The following SLC16A8 variants were observed in gnomAD, a reference collection of about 807,000 sequenced individuals.
SLC16A8 encodes the protein monocarboxylate transporter 3.
A neutral mutation model predicts 22.4 loss-of-function variants in SLC16A8; 20 were observed. That is an observed-to-expected ratio of 0.89 (90% CI 0.63 to 1.30). SLC16A8 has a LOEUF of 1.30. Ranked by LOEUF, SLC16A8 falls within the 50% of genes most tolerant of loss-of-function variation. The probability of loss-of-function intolerance (pLI) is 0.00; values close to 1 mark genes in which losing one functional copy is unlikely to be tolerated. For synonymous variants in SLC16A8, 393 were observed against 358.8 expected, an observed-to-expected ratio of 1.10 and a Z score of -1.08; for missense variants, 817 against 740.3, an observed-to-expected ratio of 1.10 and a Z score of -1.20.
intron 5 of SLC16A8, among the ~76,000 whole-genome samples, 157 bp downstream of exon 5, chr22:38,080,683 C>G (rs1416536384): frequency 6.6e-6 from 1 of 152,194 alleles, no homozygotes; most frequent in South Asian, 2.1e-4. Flanking sequence ...GCGGGCGGTC[C>G]GGCTTGGAGG....
In SLC16A8 at chr22:38,078,385, G is replaced by C. The variant is rs760877346; in HGVS notation, c.*3C>G. 4 of 1,594,190 alleles carry C rather than the reference G, an allele frequency of 2.5e-6. No individual in the cohort carries two copies. Among genetic ancestry groups the C allele is most frequent in the Non-Finnish European group, 2.6e-6 (3 of 1,174,302 alleles). On this transcript the variant is annotated 3_prime_UTR_variant, in exon 6 of 6. Coordinates refer to ENST00000681075, the MANE Select transcript of SLC16A8 (RefSeq NM_013356.3). Reference sequence around the variant, plus strand: ...TGGGCCACCCCACCCAGAGCACCCTGAGTTATACAGACTCGGCAGCCAGCC... The same window carrying C: ...TGGGCCACCCCACCCAGAGCACCCTCAGTTATACAGACTCGGCAGCCAGCC...
At position 38,081,651 on chromosome 22, in the gene SLC16A8, C is replaced by T. The variant is rs2085919864; in HGVS notation, c.387G>A (p.Pro129=). ...TGLGLALNFQ[P]SLIMLGLYFE... is the part of the protein sequence containing the mutation. ...AGTACAGCCCCAGCATGATGAGCGA[C>T]GGCTGGAAGTTGAGGGCCAGGCCCA... is the stretch of plus-strand genomic sequence containing the variant. The change falls in exon 5 of 6, where the codon CCG becomes CCA. Residue 129 remains proline, a synonymous_variant. Coordinates refer to ENST00000681075, the MANE Select transcript of SLC16A8 (RefSeq NM_013356.3). 3.3e-6 allele frequency: 5 copies of T among 1,525,620 alleles called. No homozygotes were observed. Among genetic ancestry groups the T allele is most frequent in the Non-Finnish European group, 4.4e-6 (5 of 1,141,672 alleles). 94.5% of individuals were successfully genotyped at this position (1,525,620 alleles called of 1,614,324 possible).
In SLC16A8 at chr22:38,081,304, A is replaced by C. The variant is rs1187236730; in HGVS notation, c.734T>G (p.Leu245Trp). Residue 245 changes from leucine to tryptophan, a missense_variant, in exon 5 of 6, where the codon TTG becomes TGG. Transcript: ENST00000681075. ...RVRPRRRLLD[L>W]AVCTDRAFAV... ...GAAGGCGCGGTCGGTGCACACTGCCAAGTCCAGCAGGCGCCGGCGGGGCCG... is the reference window on the plus strand; with the variant it reads ...GAAGGCGCGGTCGGTGCACACTGCCCAGTCCAGCAGGCGCCGGCGGGGCCG... The C allele has an allele frequency of 6.5e-7, 1 of 1,542,876 alleles. No individual in the cohort carries two copies.
intron 5 of SLC16A8, among the ~76,000 whole-genome samples, chr22:38,078,955 G>A (rs551261154): frequency 1.2e-4 from 19 of 152,316 alleles, no homozygotes; most frequent in Admixed American, 7.8e-4. Context: ...CTGGTGAGGC[G>A]TCCCCTCCAC....
At position 38,082,850 on chromosome 22, in the gene SLC16A8, C is replaced by A; in HGVS notation, c.24G>T (p.Arg8=). 1 of 1,551,250 alleles carries A rather than the reference C, an allele frequency of 6.4e-7. No individual in the cohort carries two copies. Among genetic ancestry groups the A allele is most frequent in the Non-Finnish European group, 8.7e-7 (1 of 1,153,004 alleles). ...AGCCGCCGTCTGGGGGGCCCTCGCC[C>A]CGCCGGGGGCCGCCAGCGCCCATCG... MGAGGPR[R]GEGPPDGGWG... Residue 8 remains arginine (R), a synonymous_variant, in exon 3 of 6, where the codon CGG becomes CGT. Coordinates refer to ENST00000681075, the MANE Select transcript of SLC16A8 (RefSeq NM_013356.3).
Position 38,080,849 on chromosome 22 carries a change from G to A in SLC16A8, c.1189C>T (p.Pro397Ser), listed in dbSNP as rs1440842328. 4 of 1,514,272 alleles carry A rather than the reference G, an allele frequency of 2.6e-6. No homozygotes were observed. In the East Asian group the frequency reaches 9.7e-5, roughly 37 times the overall value. The allele number at this position is 1,514,272 out of a possible 1,614,324, so 93.8% of individuals were successfully genotyped here. ...TTCCTTCGGGGCGCACCGGCAGAGG[G>A]CGGTCCGATGAGCACAGCCGCGGCC... Reference protein sequence around the residue: ...VEAAAVLIGPPSAGRLVDVLK... With the variant: ...VEAAAVLIGPSSAGRLVDVLK... Residue 397 changes from proline to serine, a missense_variant, in exon 5 of 6, where the codon CCC (proline) becomes TCC (serine). Transcript: ENST00000681075.
rs1569209679 is a variant in SLC16A8 at position 38,081,133 on chromosome 22, G to C, written c.905C>G (p.Ala302Gly). 2.6e-6 allele frequency: 4 copies of C among 1,543,824 alleles called. No homozygotes were observed. In the South Asian group the frequency reaches 3.6e-5, roughly 14 times the overall value. Reference sequence around the variant, plus strand: ...CGCCAGGGCGCCGCACGCCGGGCGCGCCACGATGTCCACGAAGCCCACGAT... The same window carrying C: ...CGCCAGGGCGCCGCACGCCGGGCGCCCCACGATGTCCACGAAGCCCACGAT... ...LSIVGFVDIV[A>G]RPACGALAGL... Residue 302 changes from alanine to glycine, a missense_variant, in exon 5 of 6, where the codon GCG (alanine) becomes GGG (glycine). By Grantham distance (60) the Ala-to-Gly change is moderately conservative. Transcript: ENST00000681075.
chr22:38,080,302 G>A (rs1176586780), intron 5 of SLC16A8, among the ~76,000 whole-genome samples: 3 of 152,216 alleles, frequency 2.0e-5, no homozygotes, highest in South Asian at 2.1e-4. Context: ...TAAGGGTGAC[G>A]GTGACAAGTG....
Position 38,080,957 on chromosome 22 carries a change from C to A in SLC16A8, c.1081G>T (p.Gly361Cys), listed in dbSNP as rs2085905554. ...ATGAGCACCTCGAACTGCAGCGCGC[C>A]CACCATGCCGTAGGAGAGGCCGAAG... ...VAFGLSYGMVGALQFEVLMAA... is the reference protein window; with the variant it reads ...VAFGLSYGMVCALQFEVLMAA... The change falls in exon 5 of 6, where the codon GGC (glycine) becomes TGC (cysteine). Residue 361 changes from glycine (G) to cysteine (C), a missense_variant. Gly to Cys is a radical substitution (Grantham distance 159). Transcript: ENST00000681075. 1.3e-6 allele frequency: 2 copies of A among 1,593,568 alleles called. No homozygotes were observed. The highest frequency in any genetic ancestry group is 1.7e-6 in the Non-Finnish European group (2 of 1,175,410).
At chr22:38,080,682 C>T (rs1305833076) in intron 5 of SLC16A8, among the ~76,000 whole-genome samples, 158 bp downstream of exon 5, 1 of 152,204 alleles carries the variant, frequency 6.6e-6, no homozygotes, top group Non-Finnish European at 1.5e-5. Flanking sequence ...AGCGGGCGGT[C>T]CGGCTTGGAG....
At chr22:38,082,189 G>A (rs2085928414) in intron 3 of SLC16A8, among the ~76,000 whole-genome samples, 157 bp from the exon 4 acceptor site, 1 of 152,360 alleles carries the variant, frequency 6.6e-6, no homozygotes, top group East Asian at 1.9e-4. Flanking sequence ...CATCCTGCGA[G>A]GGCAAGGCCC....
rs534026329 is a variant in SLC16A8, at chr22:38,080,213, C to T, written c.1198+627G>A. 2.1e-3 allele frequency among the ~76,000 whole-genome samples: 326 copies of T among 152,286 alleles called. 1 individual carries two copies. Among genetic ancestry groups the T allele is most frequent in the Non-Finnish European group, 3.6e-3 (245 of 68,012 alleles). On this transcript the variant is annotated intron_variant, in intron 5 of 5. Transcript: ENST00000681075. ...AGGACGCTGTTCCCCCCCAACAAGC[C>T]CTGCCCATCCATGCTGTGCCTTCAC...
At chr22:38,082,903 A>G (rs1307661274) in intron 2 of SLC16A8, 22 bp from the exon 3 acceptor site, 4 of 1,359,458 alleles carry the variant, frequency 2.9e-6, no homozygotes, top group Non-Finnish European at 4.0e-6. Flanking sequence ...GGGCGGGGAC[A>G]AGAGGGAGGG....
Position 38,078,295 on chromosome 22 carries a change from C to T in SLC16A8, c.*93G>A, listed in dbSNP as rs2085873684. ...GCCCAGACGTGGACCCCGGGAGTGA[C>T]CACCCCAGACCAGCCTCCCAGCGTA... is the stretch of plus-strand genomic sequence containing the variant. On this transcript the variant is annotated 3_prime_UTR_variant, in exon 6 of 6. Coordinates refer to ENST00000681075, the MANE Select transcript of SLC16A8 (RefSeq NM_013356.3). 2 of 1,280,874 alleles carry T rather than the reference C, an allele frequency of 1.6e-6. No homozygotes were observed. The highest frequency in any genetic ancestry group is 1.1e-6 in the Non-Finnish European group (1 of 928,990). The allele number at this position is 1,280,874 out of a possible 1,614,324, so 79.3% of individuals were successfully genotyped here.
At chr22:38,078,914 G>A (rs914813816) in intron 5 of SLC16A8, among the ~76,000 whole-genome samples, 3 of 152,254 alleles carry the variant, frequency 2.0e-5, no homozygotes, top group Non-Finnish European at 4.4e-5. Flanking sequence ...TGCTGTCCCT[G>A]GACCTCAATT....
chr22:38,081,859 C>T (rs1470079721), intron 4 of SLC16A8, 30 bp downstream of exon 4: 1 of 1,581,216 alleles, frequency 6.3e-7, no homozygotes, highest in Non-Finnish European at 8.6e-7. Flanking sequence ...GACCCCCAAC[C>T]CAGCGGAGAG....
Position 38,082,768 on chromosome 22 carries a change from G to GGAAGCCGTAGGC in SLC16A8, c.94_105dup (p.Ala32_Phe35dup), listed in dbSNP as rs751666464. Reference sequence around the variant, plus strand: ...CGGAAGAAGACGCTCACGGCTTTGGGGAAGCCGTAGGCGAAGCCGGTGACC... The same window carrying GGAAGCCGTAGGC: ...CGGAAGAAGACGCTCACGGCTTTGGGGAAGCCGTAGGCGAAGCCGTAGGCGAAGCCGGTGACC... On this transcript the variant is annotated inframe_insertion, in exon 3 of 6. Coordinates refer to ENST00000681075, the MANE Select transcript of SLC16A8 (RefSeq NM_013356.3). The GGAAGCCGTAGGC allele has an allele frequency of 8.1e-5, 130 of 1,595,766 alleles. No individual in the cohort carries two copies. Among genetic ancestry groups the GGAAGCCGTAGGC allele is most frequent in the Non-Finnish European group, 1.0e-4 (122 of 1,174,076 alleles).
At position 38,081,467 on chromosome 22, in the gene SLC16A8, C is replaced by G. The variant is rs1242492519; in HGVS notation, c.571G>C (p.Gly191Arg). Residue 191 changes from glycine (G) to arginine (R), a missense_variant, in exon 5 of 6, where the codon GGG becomes CGG. Physicochemically the swap from Gly to Arg is moderately radical, Grantham distance 125. Coordinates refer to ENST00000681075, the MANE Select transcript of SLC16A8 (RefSeq NM_013356.3). Reference sequence around the variant, plus strand: ...CCGGGCGGCGGCCTCATGACAGCCCCGCAGGCGCAGCAGTGCAGCAGGAGC... The same window carrying G: ...CCGGGCGGCGGCCTCATGACAGCCCGGCAGGCGCAGCAGTGCAGCAGGAGC... Reference protein sequence around the residue: ...GGLLLHCCACGAVMRPPPGPG... With the variant: ...GGLLLHCCACRAVMRPPPGPG... 3 of 1,332,492 alleles carry G rather than the reference C, an allele frequency of 2.3e-6. No individual in the cohort carries two copies. The East Asian group carries it at 9.4e-5, about 42-fold the overall frequency. The allele number at this position is 1,332,492 out of a possible 1,614,324, so 82.5% of individuals were successfully genotyped here. A position where few individuals can be genotyped will look rare whatever the true frequency, so the allele number is the denominator to read the frequency against.
At chr22:38,079,643 G>A (rs542489441) in intron 5 of SLC16A8, among the ~76,000 whole-genome samples, 1 of 152,258 alleles carries the variant, frequency 6.6e-6, no homozygotes, top group South Asian at 2.1e-4. Flanking sequence ...GCCCCGGCTG[G>A]TTTCAGACTT....
Sources: gnomAD v4.1 joint callset for allele counts (sites outside exome capture counted in the v4.1 genomes callset) on GRCh38, gnomAD v4.1.1 for gene constraint, MANE v1.5 for transcripts, NCBI Gene and HGNC (gene_info 2026-07-23, HGNC 2026-07-21) for gene names.